The following NFKB1 variants were observed in gnomAD, a reference collection of about 807,000 sequenced individuals.
NFKB1 encodes nuclear factor kappa B subunit 1.
A neutral mutation model predicts 105.1 loss-of-function variants in NFKB1; 9 were observed. That is an observed-to-expected ratio of 0.09 (90% CI 0.05 to 0.15). The LOEUF is 0.15. Ranked by LOEUF, NFKB1 falls within the 10% of genes least tolerant of loss-of-function variation. NFKB1 has a pLI of 1.00. For synonymous variants in NFKB1, 440 were observed against 442.2 expected (o/e 1.00, Z 0.06); for missense variants, 830 against 1,203.7 (o/e 0.69, Z 4.59).
chr4:102,515,133 C>T (rs61521490), intron 1 of NFKB1, among the ~76,000 whole-genome samples: 3,358 of 70,116 alleles, frequency 0.048, 162 homozygotes, highest in African/African-American at 0.14. Context: ...TTTTTTGAGA[C>T]GGAGTCTCGC....
chr4:102,525,255 G>A (rs1295579830), intron 1 of NFKB1, among the ~76,000 whole-genome samples: 1 of 137,420 alleles, frequency 7.3e-6, no homozygotes, highest in Non-Finnish European at 1.7e-5. Context: ...ACCAAACTCA[G>A]GACACTGTGG....
intron 16 of NFKB1, 82 bp from the exon 17 acceptor site, chr4:102,606,414 T>C (rs1727729031): frequency 2.3e-6 from 3 of 1,293,256 alleles, no homozygotes; most frequent in Non-Finnish European, 3.4e-6. Context: ...GCCCCACCTA[T>C]TGCAGTAACA....
chr4:102,564,732 G>T (rs750823092), intron 5 of NFKB1, among the ~76,000 whole-genome samples: 4 of 152,178 alleles, frequency 2.6e-5, no homozygotes, highest in Non-Finnish European at 5.9e-5. Context: ...GAAGAGCCCA[G>T]TTATCTGACG....
intron 1 of NFKB1, among the ~76,000 whole-genome samples, chr4:102,516,929 G>A (rs1740226067): frequency 6.6e-6 from 1 of 152,142 alleles, no homozygotes; most frequent in African/African-American, 2.4e-5. Context: ...AATCACAACT[G>A]AATGCTCACA....
intron 19 of NFKB1, among the ~76,000 whole-genome samples, chr4:102,609,972 T>G (rs1309172025): frequency 3.3e-5 from 5 of 152,216 alleles, no homozygotes; most frequent in African/African-American, 1.2e-4. Flanking sequence ...GTTTATTTGT[T>G]TGTTGTTTTT....
At chr4:102,539,436 C>T (rs992923521) in intron 5 of NFKB1, among the ~76,000 whole-genome samples, 2 of 152,052 alleles carry the variant, frequency 1.3e-5, no homozygotes, top group African/African-American at 2.4e-5. Flanking sequence ...AGTATGGGTA[C>T]TACTAGTCAT....
chr4:102,528,895 A>C (rs1741097123), intron 2 of NFKB1, among the ~76,000 whole-genome samples: 1 of 152,132 alleles, frequency 6.6e-6, no homozygotes, highest in African/African-American at 2.4e-5. Context: ...ATCTAGAATC[A>C]AGGTGTTGGC....
rs1463397012 is a variant in NFKB1 at position 102,602,848 on chromosome 4, G to A, written c.1752+1839G>A. ...TCTTGAAACTTTCATACCGTTTTGG[G>A]GTCATTGGTATCCGTAAGGTCATTT... is the stretch of plus-strand genomic sequence containing the variant. On this transcript the variant is annotated intron_variant, in intron 16 of 23. Coordinates refer to ENST00000226574, the MANE Select transcript of NFKB1 (RefSeq NM_003998.4). 2.0e-5 allele frequency among the ~76,000 whole-genome samples: 3 copies of A among 152,054 alleles called. No individual in the cohort carries two copies. The East Asian group carries it at 5.8e-4, about 29-fold the overall frequency.
At chr4:102,566,910 A>T in intron 5 of NFKB1, 77 bp from the exon 6 acceptor site, 1 of 1,473,478 alleles carries the variant, frequency 6.8e-7, no homozygotes, top group Non-Finnish European at 9.4e-7. Flanking sequence ...TTTTATACTT[A>T]CTGGCTTATC....
chr4:102,536,873 T>C (rs1741674926), intron 4 of NFKB1, among the ~76,000 whole-genome samples: 1 of 152,218 alleles, frequency 6.6e-6, no homozygotes, highest in South Asian at 2.1e-4. Context: ...CTTAAGCGAC[T>C]ATGTGGTTAT....
intron 5 of NFKB1, chr4:102,557,351 G>A (rs1430142914): frequency 1.3e-5 from 2 of 152,170 alleles, no homozygotes; most frequent in Non-Finnish European, 2.9e-5. Flanking sequence ...GAGAAAGCAA[G>A]TAAAAAAGTT....
chr4:102,502,102 C>T (rs1316428417), intron 1 of NFKB1: 7 of 152,420 alleles, frequency 4.6e-5, no homozygotes, highest in Admixed American at 4.6e-4. Flanking sequence ...TTTTAAAATC[C>T]CCAACCCCAG....
intron 5 of NFKB1, among the ~76,000 whole-genome samples, chr4:102,555,776 T>C (rs528095682): frequency 1.3e-5 from 2 of 152,304 alleles, no homozygotes; most frequent in South Asian, 2.1e-4. Context: ...CTGGAGATAG[T>C]AGATAAGGCC....
At chr4:102,574,726 A>G (rs1274204366) in intron 6 of NFKB1, among the ~76,000 whole-genome samples, 6 of 152,166 alleles carry the variant, frequency 3.9e-5, no homozygotes, top group Non-Finnish European at 7.4e-5. Context: ...TCTAAAAACC[A>G]TTTCTTCATG....
At position 102,597,568 on chromosome 4, in the gene NFKB1, A is replaced by G. The variant is rs777364800; in HGVS notation, c.1544A>G (p.Asn515Ser). ...KAMQLAKRHANALFDYAVTGD... is the reference protein window; with the variant it reads ...KAMQLAKRHASALFDYAVTGD... ...ATGCAGCTTGCAAAGAGGCATGCCA[A>G]TGCCCTTTTCGACTACGCGGTGACA... The change falls in exon 15 of 24, where the codon AAT becomes AGT. Residue 515 changes from asparagine (N) to serine (S), a missense_variant. Asn to Ser is a conservative substitution (Grantham distance 46). Transcript: ENST00000226574. 18 of 1,613,812 alleles carry G rather than the reference A, an allele frequency of 1.1e-5. No homozygotes were observed. The highest frequency in any genetic ancestry group is 1.5e-5 in the Non-Finnish European group (18 of 1,179,842).
chr4:102,591,522 C>T (rs1726175047), intron 11 of NFKB1, among the ~76,000 whole-genome samples: 2 of 151,908 alleles, frequency 1.3e-5, no homozygotes, highest in Admixed American at 6.6e-5. Flanking sequence ...AATCCTAGAG[C>T]TCTTAAGAAT....
chr4:102,579,789 G>A (rs1237427203), intron 8 of NFKB1, among the ~76,000 whole-genome samples: 1 of 151,684 alleles, frequency 6.6e-6, no homozygotes, highest in African/African-American at 2.4e-5. Context: ...TTTTCAAAAA[G>A]CCTGCAAGCA....
chr4:102,507,730 G>A (rs992485654), intron 1 of NFKB1, among the ~76,000 whole-genome samples: 1 of 152,138 alleles, frequency 6.6e-6, no homozygotes, highest in Non-Finnish European at 1.5e-5. Flanking sequence ...ATTTTAAAAA[G>A]CAATTTGTTT....
chr4:102,598,491 T>C (rs1464194576), intron 15 of NFKB1, among the ~76,000 whole-genome samples: 1 of 152,130 alleles, frequency 6.6e-6, no homozygotes, highest in African/African-American at 2.4e-5. Context: ...AACCAAGCAC[T>C]TTAGGAAAGT....
Sources: gnomAD v4.1 joint callset for allele counts (sites outside exome capture counted in the v4.1 genomes callset) on GRCh38, gnomAD v4.1.1 for gene constraint, MANE v1.5 for transcripts, NCBI Gene and HGNC (gene_info 2026-07-23, HGNC 2026-07-21) for gene names.